Variants in WDR47 observed in about 807,000 individuals in gnomAD.
WDR47 encodes the protein WD repeat domain 47.
WDR47 carries 32 observed loss-of-function variants against 97.2 expected under a neutral mutation model. The observed-to-expected ratio is 0.33, with a 90% confidence interval of 0.25 to 0.44. The LOEUF is 0.44. Ranked by LOEUF, WDR47 falls within the 20% of genes least tolerant of loss-of-function variation. The pLI is 1.00. For missense variants in WDR47, 782 were observed against 1,102.3 expected (o/e 0.71, Z 4.11); for synonymous variants, 375 against 373.5 (o/e 1.00, Z -0.05).
At chr1:109,029,720 T>A (rs1042461838) in intron 1 of WDR47, among the ~76,000 whole-genome samples, 88 of 149,426 alleles carry the variant, frequency 5.9e-4, no homozygotes, top group East Asian at 1.6e-3. Flanking sequence ...AATATTTTTT[T>A]AAAAAAATTA....
intron 1 of WDR47, among the ~76,000 whole-genome samples, chr1:109,024,335 T>C (rs1297725034): frequency 6.6e-6 from 1 of 152,056 alleles, no homozygotes; most frequent in African/African-American, 2.4e-5. Flanking sequence ...GTGTCTATAG[T>C]CCCAGCACTC....
chr1:109,039,403 A>G (rs146252195), intron 1 of WDR47, among the ~76,000 whole-genome samples: 1 of 152,202 alleles, frequency 6.6e-6, no homozygotes, highest in South Asian at 2.1e-4. Flanking sequence ...GATTACAGGC[A>G]CACGCCACCA....
chr1:109,031,392 T>C (rs1262294309), intron 1 of WDR47, among the ~76,000 whole-genome samples: 2 of 140,140 alleles, frequency 1.4e-5, no homozygotes, highest in African/African-American at 5.1e-5. Context: ...TATACATGCA[T>C]AAAATATCTC....
chr1:109,023,442 G>A lies in WDR47; in HGVS notation c.71C>T (p.Ser24Leu). ...CAGCATACTAATGTGAAGCTTCTTT[G>A]AATTCAGGAAGTCCAAAATTAGCTT... ...IIKLILDFLNSKKLHISMLAL... is the reference protein window; with the variant it reads ...IIKLILDFLNLKKLHISMLAL... Residue 24 changes from serine to leucine, a missense_variant, in exon 2 of 15, where the codon TCA becomes TTA. Ser to Leu is a moderately radical substitution (Grantham distance 145). Around this residue, in one of 3 missense-constraint regions of WDR47, gnomAD observed 428 missense variants for 584.3 expected, o/e 0.73. Transcript: ENST00000369962. 6.2e-7 allele frequency: 1 copy of A among 1,613,574 alleles called. No individual in the cohort carries two copies. Among genetic ancestry groups the A allele is most frequent in the South Asian group, 1.1e-5 (1 of 91,034 alleles).
intron 6 of WDR47, among the ~76,000 whole-genome samples, chr1:109,004,142 G>A (rs192620672): frequency 2.5e-4 from 38 of 152,030 alleles, no homozygotes; most frequent in Admixed American, 2.5e-3. Context: ...GCGGGCGCCT[G>A]TGGTCCCAGC....
rs189265408 is a variant in WDR47, at chr1:109,016,612, G to C, written c.242+906C>G. On this transcript the variant is annotated intron_variant, in intron 3 of 14. Transcript: ENST00000369962. Reference sequence around the variant, plus strand: ...GGCCAAAGAACTGAGCAGAGATTTCGGGACAAATCTCTGGTATCCACAAGA... The same window carrying C: ...GGCCAAAGAACTGAGCAGAGATTTCCGGACAAATCTCTGGTATCCACAAGA... 5.9e-5 allele frequency among the ~76,000 whole-genome samples: 9 copies of C among 152,186 alleles called. No homozygotes were observed. The East Asian group carries it at 1.5e-3, about 26-fold the overall frequency.
chr1:109,024,189 C>T (rs2102002290), intron 1 of WDR47, among the ~76,000 whole-genome samples: 1 of 152,296 alleles, frequency 6.6e-6, no homozygotes, highest in East Asian at 1.9e-4. Context: ...TAGTGGCGTA[C>T]GCCTGTAATC....
intron 8 of WDR47, chr1:108,992,904 G>C (rs1659472672): frequency 7.2e-3 from 6,626 of 922,222 alleles, no homozygotes; most frequent in Non-Finnish European, 0.01. Context: ...TAGAGGTGAG[G>C]AAATTGCTAA....
At chr1:109,007,918 A>C (rs1164585197) in intron 5 of WDR47, among the ~76,000 whole-genome samples, 3 of 152,086 alleles carry the variant, frequency 2.0e-5, no homozygotes, top group Non-Finnish European at 1.5e-5. Flanking sequence ...CCTGGCCAAG[A>C]TGGTGAAACC....
intron 1 of WDR47, among the ~76,000 whole-genome samples, chr1:109,026,372 C>T (rs1001944422): frequency 4.7e-5 from 7 of 150,492 alleles, no homozygotes; most frequent in South Asian, 2.1e-4. Context: ...TCAGGTTATC[C>T]GTGGAAACTA....
chr1:109,039,892 C>T lies in WDR47; in HGVS notation c.-10+1970G>A, dbSNP rs183967150. Reference sequence around the variant, plus strand: ...CTCTACTAAAAATACAAAAAGTAGCCGGGCGTGGTGGCAGGCACCTGTAAT... The same window carrying T: ...CTCTACTAAAAATACAAAAAGTAGCTGGGCGTGGTGGCAGGCACCTGTAAT... On this transcript the variant is annotated intron_variant, in intron 1 of 14. Transcript: ENST00000369962. Among the ~76,000 whole-genome samples, 1,378 of 151,796 alleles carry T rather than the reference C, an allele frequency of 9.1e-3. 20 individuals are homozygous for T. The highest frequency in any genetic ancestry group is 0.032 in the African/African-American group (1,323 of 41,402).
chr1:109,029,836 A>T (rs2102027030), intron 1 of WDR47, among the ~76,000 whole-genome samples: 1 of 150,928 alleles, frequency 6.6e-6, no homozygotes, highest in Non-Finnish European at 1.5e-5. Flanking sequence ...AGATCACACC[A>T]CTGCACTCCA....
At chr1:108,990,658 A>G (rs1029240282) in intron 9 of WDR47, among the ~76,000 whole-genome samples, 1 of 152,144 alleles carries the variant, frequency 6.6e-6, no homozygotes, top group Non-Finnish European at 1.5e-5. Flanking sequence ...TCTCAAATTA[A>G]CACCTTTGTT....
intron 2 of WDR47, among the ~76,000 whole-genome samples, chr1:109,018,946 G>A (rs1346234351): frequency 6.6e-6 from 1 of 152,116 alleles, no homozygotes; most frequent in African/African-American, 2.4e-5. Context: ...GTACATGCCT[G>A]TAGTCCCAGC....
chr1:108,986,067 G>C (rs1188935322), intron 10 of WDR47, among the ~76,000 whole-genome samples: 1 of 151,516 alleles, frequency 6.6e-6, no homozygotes, highest in African/African-American at 2.4e-5. Flanking sequence ...AGGTGTAAAA[G>C]AGTAAGAGTT....
At chr1:109,013,715 A>G in intron 4 of WDR47, 126 bp downstream of exon 4, 1 of 908,434 alleles carries the variant, frequency 1.1e-6, no homozygotes, top group Non-Finnish European at 1.7e-6. Flanking sequence ...AAAACACCAG[A>G]TCTTGCCCCA....
intron 14 of WDR47, among the ~76,000 whole-genome samples, chr1:108,973,859 G>A (rs111868925): frequency 2.0e-5 from 3 of 149,546 alleles, no homozygotes; most frequent in African/African-American, 7.4e-5. Context: ...CTCCAGCCTG[G>A]GTGAAAGAGT....
At chr1:108,979,288 A>G (rs1658162112) in intron 13 of WDR47, among the ~76,000 whole-genome samples, 1 of 152,258 alleles carries the variant, frequency 6.6e-6, no homozygotes, top group Non-Finnish European at 1.5e-5. Flanking sequence ...AGGAAAAAAA[A>G]TAAGCCATGA....
intron 1 of WDR47, among the ~76,000 whole-genome samples, chr1:109,040,863 C>A (rs555731135): frequency 6.6e-6 from 1 of 152,094 alleles, no homozygotes; most frequent in Middle Eastern, 3.2e-3. Context: ...ATTTTTTAAA[C>A]CTACATGTTC....
Sources: allele counts gnomAD v4.1 joint callset (sites outside exome capture counted in the v4.1 genomes callset), GRCh38; gene constraint gnomAD v4.1.1; regional missense constraint gnomAD v4.1.1; transcripts MANE v1.5; gene names NCBI Gene and HGNC (gene_info 2026-07-23, HGNC 2026-07-21).